OSTF1: variants seen among roughly 807,000 people sequenced by gnomAD.
OSTF1 encodes osteoclast-stimulating factor 1.
A neutral mutation model predicts 37.2 loss-of-function variants in OSTF1; 27 were observed. The observed-to-expected ratio is 0.73, with a 90% CI of 0.54 to 1.00. The LOEUF (loss-of-function observed/expected upper bound fraction) is 1.00, where lower values mean the gene tolerates loss of function less well. Among genes scored for constraint, OSTF1 ranks in the 50% least tolerant of loss-of-function variants. OSTF1 has a pLI of 0.00. For synonymous variants in OSTF1, 82 were observed against 89.2 expected (o/e 0.92, Z 0.46); for missense variants, 232 against 253.8 (o/e 0.91, Z 0.58).
chr9:75,096,327 A>C (rs897023936), intron 1 of OSTF1, among the ~76,000 whole-genome samples: 2 of 152,156 alleles, frequency 1.3e-5, no homozygotes, highest in African/African-American at 4.8e-5. Context: ...ATATTTGTGC[A>C]TTTTGATTGG....
At chr9:75,109,028 T>A (rs2118466303) in intron 1 of OSTF1, among the ~76,000 whole-genome samples, 2 of 151,514 alleles carry the variant, frequency 1.3e-5, no homozygotes, top group Admixed American at 1.3e-4. Context: ...TTATTCTTTT[T>A]TTTTTTTTTT....
intron 2 of OSTF1, among the ~76,000 whole-genome samples, chr9:75,124,110 A>G (rs1408478672): frequency 6.6e-6 from 1 of 152,214 alleles, no homozygotes; most frequent in Non-Finnish European, 1.5e-5. Flanking sequence ...TAAAATTCAC[A>G]TAACATAAAA....
intron 1 of OSTF1, among the ~76,000 whole-genome samples, chr9:75,111,277 A>G (rs1825382418): frequency 6.6e-6 from 1 of 152,106 alleles, no homozygotes; most frequent in Admixed American, 6.5e-5. Context: ...CCCTGCCTCT[A>G]CCACTATGAA....
intron 1 of OSTF1, among the ~76,000 whole-genome samples, chr9:75,102,802 A>C (rs1273524420): frequency 1.3e-5 from 2 of 152,196 alleles, no homozygotes; most frequent in African/African-American, 2.4e-5. Context: ...TTTTATCTCC[A>C]AAATTAAAGT....
intron 2 of OSTF1, among the ~76,000 whole-genome samples, chr9:75,122,759 T>A (rs1485020089): frequency 6.6e-6 from 1 of 152,192 alleles, no homozygotes; most frequent in Non-Finnish European, 1.5e-5. Flanking sequence ...GTGTTCTTGG[T>A]GAGGAACAAA....
chr9:75,109,510 A>T (rs1825348200), intron 1 of OSTF1, among the ~76,000 whole-genome samples: 1 of 152,220 alleles, frequency 6.6e-6, no homozygotes, highest in Non-Finnish European at 1.5e-5. Context: ...TTCTTCTATT[A>T]TGTATAGTGT....
Position 75,117,451 on chromosome 9 carries a change from A to G in OSTF1, c.35-53A>G, listed in dbSNP as rs1301836198. The G allele has an allele frequency of 2.3e-6, 3 of 1,307,396 alleles. No homozygotes were observed. In the African/African-American group the frequency reaches 4.4e-5, roughly 19 times the overall value. The allele number at this position is 1,307,396 out of a possible 1,614,324, so 81.0% of individuals were successfully genotyped here. A position where few individuals can be genotyped will look rare whatever the true frequency, so the allele number is the denominator to read the frequency against. On this transcript the variant is annotated intron_variant, in intron 1 of 9. Transcript: ENST00000346234. The stretch of plus-strand genomic sequence containing the variant: ...AAGGATATAATGGATAATGCTATTA[A>G]GAGCAAATTCAGGAATGAAAAATTC...
chr9:75,095,596 G>C (rs954171671), intron 1 of OSTF1, among the ~76,000 whole-genome samples: 2 of 152,134 alleles, frequency 1.3e-5, no homozygotes, highest in Non-Finnish European at 2.9e-5. Context: ...ACTAAATAAG[G>C]GCTAAGCTTC....
intron 2 of OSTF1, among the ~76,000 whole-genome samples, chr9:75,125,922 T>A (rs116364415): frequency 0.025 from 3,841 of 152,176 alleles, 153 homozygotes; most frequent in African/African-American, 0.088. Flanking sequence ...TTTAAAAAAA[T>A]TTTTTGAGAC....
chr9:75,141,398 C>T (rs914811281), intron 9 of OSTF1, among the ~76,000 whole-genome samples: 4 of 148,818 alleles, frequency 2.7e-5, no homozygotes, highest in Non-Finnish European at 5.9e-5. Context: ...TAATGAGAAC[C>T]CCCAAAATAG....
At chr9:75,120,097 T>A (rs753164561) in intron 2 of OSTF1, among the ~76,000 whole-genome samples, 1 of 152,212 alleles carries the variant, frequency 6.6e-6, no homozygotes, top group Non-Finnish European at 1.5e-5. Context: ...CAACTTATGA[T>A]GAACCCAATA....
chr9:75,110,154 G>T (rs1050828340), intron 1 of OSTF1, among the ~76,000 whole-genome samples: 1 of 152,134 alleles, frequency 6.6e-6, no homozygotes, highest in Non-Finnish European at 1.5e-5. Flanking sequence ...CCATGGGTTT[G>T]GACAAATGCG....
At chr9:75,140,018 A>T (rs888545158) in intron 8 of OSTF1, among the ~76,000 whole-genome samples, 7 of 152,224 alleles carry the variant, frequency 4.6e-5, no homozygotes, top group Non-Finnish European at 7.3e-5. Flanking sequence ...ATTTTGGAGC[A>T]CCACAAAATG....
At chr9:75,132,990 CA>C (rs1564167147) in intron 5 of OSTF1, among the ~76,000 whole-genome samples, 7 of 150,644 alleles carry the variant, frequency 4.6e-5, no homozygotes, top group East Asian at 1.9e-4. Flanking sequence ...CACACACACA[CA>C]CACACACACA....
intron 1 of OSTF1, among the ~76,000 whole-genome samples, chr9:75,112,027 G>C (rs1263330807): frequency 6.6e-6 from 1 of 151,022 alleles, no homozygotes; most frequent in East Asian, 1.9e-4. Flanking sequence ...GTTTCACCAA[G>C]TTAGCCAGGC....
chr9:75,089,556 C>G (rs1587427960), intron 1 of OSTF1, among the ~76,000 whole-genome samples: 1 of 152,076 alleles, frequency 6.6e-6, no homozygotes, highest in Non-Finnish European at 1.5e-5. Flanking sequence ...ACATACTGTT[C>G]CGCTCATTCA....
intron 1 of OSTF1, among the ~76,000 whole-genome samples, chr9:75,095,203 T>C (rs143737024): frequency 5.1e-4 from 78 of 152,356 alleles, no homozygotes; most frequent in African/African-American, 1.7e-3. Flanking sequence ...GTATTGTTGT[T>C]GCTTACACAC....
intron 1 of OSTF1, among the ~76,000 whole-genome samples, chr9:75,104,087 A>G (rs1354043840): frequency 6.6e-6 from 1 of 152,060 alleles, no homozygotes; most frequent in African/African-American, 2.4e-5. Flanking sequence ...ACAAAAAAAA[A>G]AGTAGCCCAG....
At chr9:75,118,637 T>C (rs1406311559) in intron 2 of OSTF1, among the ~76,000 whole-genome samples, 1 of 151,948 alleles carries the variant, frequency 6.6e-6, no homozygotes, top group African/African-American at 2.4e-5. Flanking sequence ...GACTGGGTAA[T>C]GTATAGAGAA....
Sources: allele counts gnomAD v4.1 joint callset (sites outside exome capture counted in the v4.1 genomes callset), GRCh38; gene constraint gnomAD v4.1.1; transcripts MANE v1.5; gene names NCBI Gene and HGNC (gene_info 2026-07-23, HGNC 2026-07-21).